Variants in GRIA3 observed in about 807,000 individuals in gnomAD.
GRIA3 encodes glutamate ionotropic receptor AMPA type subunit 3.
In GRIA3, 3 loss-of-function variants were observed where a neutral mutation model predicts 63.0. The observed-to-expected ratio is 0.05, with a 90% CI of 0.02 to 0.12. The LOEUF is 0.12. Ranked by LOEUF, GRIA3 falls within the 10% of genes least tolerant of loss-of-function variation. The probability of loss-of-function intolerance (pLI) is 1.00; values close to 1 mark genes in which losing one functional copy is unlikely to be tolerated. For missense variants in GRIA3, 347 were observed against 700.9 expected (o/e 0.50, Z 5.70); for synonymous variants, 274 against 257.9 (o/e 1.06, Z -0.60).
chrX:123,223,763 T>C (rs1171392653), intron 2 of GRIA3, among the ~76,000 whole-genome samples: 2 of 111,385 alleles, frequency 1.8e-5, no homozygotes, highest in East Asian at 2.8e-4. Flanking sequence ...AAATGAAAAA[T>C]TCCCATACTA....
At chrX:123,483,451 A>G (rs2045922913) in intron 15 of GRIA3, among the ~76,000 whole-genome samples, 1 of 112,346 alleles carries the variant, frequency 8.9e-6, no homozygotes, top group South Asian at 3.7e-4. Flanking sequence ...ACATGTTATC[A>G]ATACAAAAAA....
intron 3 of GRIA3, among the ~76,000 whole-genome samples, chrX:123,265,875 C>G (rs1293280479): frequency 4.5e-5 from 5 of 111,567 alleles, no homozygotes; most frequent in Non-Finnish European, 9.4e-5. Context: ...GAAACAATGC[C>G]TAGATAGTAG....
chrX:123,449,566 T>C (rs1476764697), intron 12 of GRIA3, among the ~76,000 whole-genome samples: 1 of 112,060 alleles, frequency 8.9e-6, no homozygotes, highest in Non-Finnish European at 1.9e-5. Flanking sequence ...CAGACAAAAC[T>C]GCAGCCAGCC....
intron 2 of GRIA3, among the ~76,000 whole-genome samples, chrX:123,191,991 G>A (rs12559450): frequency 0.26 from 29,035 of 110,357 alleles, 3,132 homozygotes; most frequent in Admixed American, 0.37. Context: ...TACTCTCAGA[G>A]TGGCTGTTCA....
At chrX:123,437,097 C>T (rs2147407638) in intron 12 of GRIA3, among the ~76,000 whole-genome samples, 1 of 108,232 alleles carries the variant, frequency 9.2e-6, no homozygotes, top group African/African-American at 3.4e-5. Context: ...AGAATTTTTT[C>T]CCCAAAAGCC....
chrX:123,431,764 C>T (rs2045619471), intron 12 of GRIA3, among the ~76,000 whole-genome samples: 1 of 111,815 alleles, frequency 8.9e-6, no homozygotes, highest in Non-Finnish European at 1.9e-5. Context: ...AGAAAATAAC[C>T]AGGATGCTGG....
intron 4 of GRIA3, among the ~76,000 whole-genome samples, chrX:123,328,620 G>C (rs1160413107): frequency 8.9e-6 from 1 of 111,938 alleles, no homozygotes; most frequent in Non-Finnish European, 1.9e-5. Flanking sequence ...GATTTATCTT[G>C]TTCACTATTA....
At chrX:123,373,680 T>C (rs773567350) in intron 5 of GRIA3, among the ~76,000 whole-genome samples, 7 of 112,261 alleles carry the variant, frequency 6.2e-5, no homozygotes, top group African/African-American at 1.6e-4. Flanking sequence ...TCATATCTTT[T>C]GCCCACTTTT....
In GRIA3 at chrX:123,186,086, T is replaced by C. The variant is rs1603012694; in HGVS notation, c.268+96T>C. The C allele has an allele frequency of 5.7e-6, 4 of 702,850 alleles. No homozygotes were observed. In the East Asian group the frequency reaches 1.3e-4, roughly 22 times the overall value. The allele number at this position is 702,850 out of a possible 1,213,427, so 57.9% of individuals were successfully genotyped here. Reference sequence around the variant, plus strand: ...GGTCTGTGTATGTGCTGGGAGATGATTGCTTCAGTAGATATTTTAGGGGCT... The same window carrying C: ...GGTCTGTGTATGTGCTGGGAGATGACTGCTTCAGTAGATATTTTAGGGGCT... On this transcript the variant is annotated intron_variant, in intron 2 of 15. Coordinates refer to ENST00000620443, the MANE Select transcript of GRIA3 (RefSeq NM_007325.5).
chrX:123,478,585 G>C lies in GRIA3; in HGVS notation c.2325-1478G>C, dbSNP rs182131109. On this transcript the variant is annotated intron_variant, in intron 13 of 15. Coordinates refer to ENST00000620443, the MANE Select transcript of GRIA3 (RefSeq NM_007325.5). Reference sequence around the variant, plus strand: ...TCTCAGACTATCTGAAGATAAGATAGCCCCTCTGTTTTAAACAGCAAATGA... The same window carrying C: ...TCTCAGACTATCTGAAGATAAGATACCCCCTCTGTTTTAAACAGCAAATGA... Among the ~76,000 whole-genome samples the C allele has an allele frequency of 1.2e-4, 13 of 112,253 alleles. No homozygotes were observed. In the East Asian group the frequency reaches 3.6e-3, roughly 31 times the overall value.
intron 5 of GRIA3, among the ~76,000 whole-genome samples, chrX:123,363,364 C>T (rs977885818): frequency 8.9e-6 from 1 of 112,660 alleles, no homozygotes; most frequent in African/African-American, 3.2e-5. Context: ...GAAAACTCCA[C>T]ATCATACCTT....
chrX:123,243,695 C>T (rs952010545), intron 2 of GRIA3, among the ~76,000 whole-genome samples: 1 of 112,352 alleles, frequency 8.9e-6, no homozygotes, highest in Non-Finnish European at 1.9e-5. Context: ...ATCATATTTA[C>T]TGCCAGTACT....
intron 9 of GRIA3, among the ~76,000 whole-genome samples, chrX:123,403,979 C>CTTATTAT (rs1333629108): frequency 1.8e-5 from 2 of 111,598 alleles, no homozygotes; most frequent in East Asian, 5.6e-4. Context: ...ATCACCTACC[C>CTTATTAT]ATGTCATAAG....
intron 4 of GRIA3, among the ~76,000 whole-genome samples, chrX:123,344,588 G>C (rs889899500): frequency 5.1e-4 from 57 of 111,667 alleles, no homozygotes; most frequent in Middle Eastern, 4.6e-3. Flanking sequence ...TCCCCTACTA[G>C]TTCTTCATAG....
intron 4 of GRIA3, among the ~76,000 whole-genome samples, chrX:123,335,316 A>G (rs1341231266): frequency 9.0e-6 from 1 of 111,617 alleles, no homozygotes; most frequent in East Asian, 2.8e-4. Context: ...TTTCTGGTTG[A>G]TCAAAGCTGT....
At chrX:123,451,839 G>A (rs187898005) in intron 12 of GRIA3, among the ~76,000 whole-genome samples, 1 of 111,291 alleles carries the variant, frequency 9.0e-6, no homozygotes, top group Non-Finnish European at 1.9e-5. Flanking sequence ...ATACCTATGA[G>A]ATATCTAAGT....
In GRIA3 at chrX:123,317,354, A is replaced by G. The variant is rs181574207; in HGVS notation, c.509-8672A>G. The stretch of plus-strand genomic sequence containing the variant: ...AATCATGCCTTCCCAACAGTCCCCC[A>G]AAGTCTTAACTCATTTCAGCATTAA... On this transcript the variant is annotated intron_variant, in intron 3 of 15. Transcript: ENST00000620443. Among the ~76,000 whole-genome samples the G allele has an allele frequency of 2.2e-3, 249 of 111,317 alleles. 1 individual carries two copies. The highest frequency in any genetic ancestry group is 7.5e-3 in the African/African-American group (231 of 30,629).
chrX:123,315,510 T>C (rs1488388345), intron 3 of GRIA3, among the ~76,000 whole-genome samples: 1 of 112,542 alleles, frequency 8.9e-6, no homozygotes, highest in Non-Finnish European at 1.9e-5. Flanking sequence ...TCAAATGTGC[T>C]ATAGAAGTCT....
At chrX:123,345,283 T>C (rs771282752) in intron 4 of GRIA3, among the ~76,000 whole-genome samples, 47 of 110,885 alleles carry the variant, frequency 4.2e-4, no homozygotes, top group Non-Finnish European at 7.2e-4. Flanking sequence ...GGAGGAGATA[T>C]GCATCTTACT....
Sources: gnomAD v4.1 joint callset for allele counts (sites outside exome capture counted in the v4.1 genomes callset) on GRCh38, gnomAD v4.1.1 for gene constraint, MANE v1.5 for transcripts, NCBI Gene and HGNC (gene_info 2026-07-23, HGNC 2026-07-21) for gene names.